RETREG1: variants seen among roughly 807,000 people sequenced by gnomAD.
RETREG1 encodes reticulophagy regulator 1, also known as family with sequence similarity 134 member B.
Under a neutral mutation model 54.8 loss-of-function variants are expected in RETREG1, and 44 were observed. The observed-to-expected ratio is 0.80, with a 90% CI of 0.63 to 1.03. RETREG1 has a LOEUF of 1.03. Ranked by LOEUF, RETREG1 falls within the 50% of genes least tolerant of loss-of-function variation. The pLI, the probability that RETREG1 is intolerant of heterozygous loss-of-function variation, is 0.00. For missense variants in RETREG1, 554 were observed against 605.1 expected (o/e 0.92, Z 0.89); for synonymous variants, 217 against 238.5 (o/e 0.91, Z 0.83).
intron 1 of RETREG1, among the ~76,000 whole-genome samples, chr5:16,577,502 G>A (rs1348537885): frequency 6.6e-6 from 1 of 152,098 alleles, no homozygotes; most frequent in African/African-American, 2.4e-5. Context: ...GTTATAACGA[G>A]AAACTTCCCC....
intron 3 of RETREG1, among the ~76,000 whole-genome samples, chr5:16,528,700 C>T (rs1291016626): frequency 6.6e-6 from 1 of 152,284 alleles, no homozygotes; most frequent in East Asian, 1.9e-4. Flanking sequence ...AACACTATGC[C>T]TCCTTCAAAG....
chr5:16,548,694 G>C (rs1741453322), intron 3 of RETREG1, among the ~76,000 whole-genome samples: 1 of 152,190 alleles, frequency 6.6e-6, no homozygotes, highest in Non-Finnish European at 1.5e-5. Flanking sequence ...AAAGGATCTT[G>C]AGAATACTGT....
chr5:16,509,680 G>T (rs1395669825), intron 3 of RETREG1, among the ~76,000 whole-genome samples: 1 of 151,794 alleles, frequency 6.6e-6, no homozygotes, highest in Non-Finnish European at 1.5e-5. Flanking sequence ...AGTAAGATCT[G>T]CTTATTAAGA....
intron 3 of RETREG1, among the ~76,000 whole-genome samples, chr5:16,525,606 A>G (rs1157847791): frequency 1.3e-5 from 2 of 152,158 alleles, no homozygotes; most frequent in Non-Finnish European, 2.9e-5. Flanking sequence ...CTGGGCCCAC[A>G]TTACAGATCC....
At chr5:16,510,773 G>A (rs893226733) in intron 3 of RETREG1, among the ~76,000 whole-genome samples, 5 of 129,788 alleles carry the variant, frequency 3.9e-5, no homozygotes, top group South Asian at 2.5e-4. Flanking sequence ...CTAGGTGACA[G>A]AGTGAGAACC....
At chr5:16,487,452 T>G (rs1739062403) in intron 3 of RETREG1, among the ~76,000 whole-genome samples, 1 of 152,166 alleles carries the variant, frequency 6.6e-6, no homozygotes. Context: ...CCGATGACCA[T>G]CATCCCCAAC....
Position 16,483,492 on chromosome 5 carries a change from A to G in RETREG1, c.459-20T>C. 6.2e-7 allele frequency: 1 copy of G among 1,612,088 alleles called. No individual in the cohort carries two copies. Among genetic ancestry groups the G allele is most frequent in the Non-Finnish European group, 8.5e-7 (1 of 1,178,828 alleles). On this transcript the variant is annotated intron_variant, in intron 3 of 8. Coordinates refer to ENST00000306320, the MANE Select transcript of RETREG1 (RefSeq NM_001034850.3). ...TCCCAGCTAAAGAGACAAAAAGAAA[A>G]AAAATACTACTGAACTTTGGATGAT...
intron 3 of RETREG1, among the ~76,000 whole-genome samples, chr5:16,489,298 G>C (rs1739159406): frequency 6.6e-6 from 1 of 151,994 alleles, no homozygotes; most frequent in South Asian, 2.1e-4. Flanking sequence ...AAAAAATATA[G>C]TTATCAAAAC....
At chr5:16,582,890 C>T (rs562708625) in intron 1 of RETREG1, among the ~76,000 whole-genome samples, 4 of 152,330 alleles carry the variant, frequency 2.6e-5, no homozygotes, top group African/African-American at 9.6e-5. Flanking sequence ...AAGCCAGCAT[C>T]TTCCCTCTCT....
chr5:16,531,952 C>T (rs1740929412), intron 3 of RETREG1, among the ~76,000 whole-genome samples: 1 of 152,164 alleles, frequency 6.6e-6, no homozygotes, highest in Non-Finnish European at 1.5e-5. Context: ...ATGGCCTTAC[C>T]CATACAGGGC....
At chr5:16,508,669 C>T (rs1740059989) in intron 3 of RETREG1, 1 of 1,612,894 alleles carries the variant, frequency 6.2e-7, no homozygotes, top group Non-Finnish European at 8.5e-7. Flanking sequence ...CTAACCACGG[C>T]TAATGTGGCC....
Position 16,483,355 on chromosome 5 carries a change from GC to G in RETREG1, c.575del (p.Ser192ThrfsTer60). 1 of 1,613,200 alleles carries G rather than the reference GC, an allele frequency of 6.2e-7. No individual in the cohort carries two copies. On this transcript the variant is annotated frameshift_variant, in exon 4 of 9. Transcript: ENST00000306320. LOFTEE classifies it high-confidence loss of function. ...LQEMSLFKQQ[S>X]PGKFCLLVCS... ...TTACTGGAAAACTTGCCTTGCCAGG[GC>G]TCTGCTGTTTAAAAAGAGACATTTC... is the stretch of plus-strand genomic sequence containing the variant.
intron 3 of RETREG1, among the ~76,000 whole-genome samples, chr5:16,486,507 C>T (rs759727997): frequency 8.5e-5 from 13 of 152,220 alleles, no homozygotes; most frequent in Non-Finnish European, 4.4e-5. Context: ...TGAGACGGGA[C>T]ATTTGATGTC....
Position 16,572,041 on chromosome 5 carries a change from C to G in RETREG1, c.382G>C (p.Val128Leu), listed in dbSNP as rs1401114008. 6.2e-7 allele frequency: 1 copy of G among 1,613,912 alleles called. No individual in the cohort carries two copies. ...ATATCCTTTATTATTTGCATAATAA[C>G]ACGCCCAAGTATCATGACGGAAATC... ...HLISVMILGR[V>L]IMQIIKDMVL... The change falls in exon 2 of 9, where the codon GTT becomes CTT. Residue 128 changes from valine (V) to leucine (L), a missense_variant. By Grantham distance (32) the Val-to-Leu change is conservative. Coordinates refer to ENST00000306320, the MANE Select transcript of RETREG1 (RefSeq NM_001034850.3).
intron 1 of RETREG1, among the ~76,000 whole-genome samples, chr5:16,576,319 A>G: frequency 7.6e-6 from 1 of 132,346 alleles, no homozygotes; most frequent in African/African-American, 3.0e-5. Flanking sequence ...TTTGAGATGG[A>G]GTCTTGCTCT....
intron 1 of RETREG1, among the ~76,000 whole-genome samples, chr5:16,590,124 A>T (rs1370728201): frequency 6.6e-6 from 1 of 152,186 alleles, no homozygotes; most frequent in African/African-American, 2.4e-5. Context: ...ACCTCAGATG[A>T]GAATGAATGT....
chr5:16,590,924 T>C (rs2927607), intron 1 of RETREG1, among the ~76,000 whole-genome samples: 20,451 of 150,722 alleles, frequency 0.14, 1,388 homozygotes, highest in Non-Finnish European at 0.16. Context: ...AACACACACA[T>C]GCAAATATAC....
At chr5:16,601,182 C>T (rs1005820147) in intron 1 of RETREG1, among the ~76,000 whole-genome samples, 2 of 152,020 alleles carry the variant, frequency 1.3e-5, no homozygotes, top group African/African-American at 2.4e-5. Context: ...GCCTGGTCAA[C>T]ACAGCAAGAT....
rs144036024 is a variant in RETREG1, at chr5:16,609,678, G to A, written c.320+6974C>T. Among the ~76,000 whole-genome samples, 66 of 152,282 alleles carry A rather than the reference G, an allele frequency of 4.3e-4. 1 individual carries two copies. The East Asian group carries it at 0.011, about 26-fold the overall frequency. ...CGAGACAGGACAGCGGTGAGTGGAA[G>A]GGCCCAGGATTTCTCAGCCGGGGAA... On this transcript the variant is annotated intron_variant, in intron 1 of 8. Coordinates refer to ENST00000306320, the MANE Select transcript of RETREG1 (RefSeq NM_001034850.3).
Sources: gnomAD v4.1 joint callset for allele counts (sites outside exome capture counted in the v4.1 genomes callset) on GRCh38, gnomAD v4.1.1 for gene constraint, MANE v1.5 for transcripts, NCBI Gene and HGNC (gene_info 2026-07-23, HGNC 2026-07-21) for gene names.